The following NELL1 variants were observed in gnomAD, a reference collection of about 807,000 sequenced individuals.
The protein encoded by NELL1 is neural EGFL like 1, also known as protein kinase C-binding protein NELL1.
Under a neutral mutation model 107.4 loss-of-function variants are expected in NELL1, and 76 were observed. That is an observed-to-expected ratio of 0.71 (90% CI 0.59 to 0.86). The LOEUF (loss-of-function observed/expected upper bound fraction) is 0.86, where lower values mean the gene tolerates loss of function less well. Among genes scored for constraint, NELL1 ranks in the 40% least tolerant of loss-of-function variants. The pLI, the probability that NELL1 is intolerant of heterozygous loss-of-function variation, is 0.00. For missense variants in NELL1, 1,024 were observed against 1,005.5 expected (o/e 1.02, Z -0.25); for synonymous variants, 353 against 341.2 (o/e 1.03, Z -0.38).
At chr11:21,349,836 C>T (rs998322318) in intron 14 of NELL1, among the ~76,000 whole-genome samples, 1 of 152,076 alleles carries the variant, frequency 6.6e-6, no homozygotes, top group African/African-American at 2.4e-5. Context: ...CTCAATATGG[C>T]TGTATCTTAT....
At chr11:20,842,117 C>T (rs1848632741) in intron 3 of NELL1, among the ~76,000 whole-genome samples, 2 of 152,102 alleles carry the variant, frequency 1.3e-5, no homozygotes, top group South Asian at 4.1e-4. Context: ...TGGCTCATGC[C>T]TCTAATCCCA....
chr11:20,902,280 T>G (rs961832218), intron 5 of NELL1, among the ~76,000 whole-genome samples: 1 of 152,130 alleles, frequency 6.6e-6, no homozygotes, highest in Non-Finnish European at 1.5e-5. Context: ...GAAACCTTTT[T>G]TTTTTAACTC....
chr11:20,697,678 C>T (rs1388720761), intron 2 of NELL1, among the ~76,000 whole-genome samples: 1 of 151,882 alleles, frequency 6.6e-6, no homozygotes, highest in African/African-American at 2.4e-5. Flanking sequence ...CCTCTGGCAC[C>T]CTAATTCAGA....
At chr11:20,866,684 G>T (rs1802732140) in intron 4 of NELL1, among the ~76,000 whole-genome samples, 1 of 152,174 alleles carries the variant, frequency 6.6e-6, no homozygotes, top group Admixed American at 6.5e-5. Context: ...ATGAGCTTCT[G>T]GAGGGAGGTG....
At chr11:20,705,736 G>A (rs1424797440) in intron 2 of NELL1, among the ~76,000 whole-genome samples, 1 of 148,432 alleles carries the variant, frequency 6.7e-6, no homozygotes, top group African/African-American at 2.5e-5. Flanking sequence ...GCAACCTACA[G>A]AATGGGAGAA....
intron 4 of NELL1, among the ~76,000 whole-genome samples, chr11:20,860,073 T>G (rs911076230): frequency 2.1e-4 from 32 of 152,188 alleles, no homozygotes; most frequent in African/African-American, 7.7e-4. Flanking sequence ...CTTTTTCTGA[T>G]TTTGAGTTCT....
chr11:21,172,305 T>G (rs16907616), intron 13 of NELL1, among the ~76,000 whole-genome samples: 48 of 151,958 alleles, frequency 3.2e-4, no homozygotes, highest in African/African-American at 1.1e-3. Flanking sequence ...AGCTCAAGCT[T>G]GTTAGCACAG....
intron 3 of NELL1, among the ~76,000 whole-genome samples, chr11:20,810,367 C>T (rs935219980): frequency 2.0e-5 from 3 of 152,094 alleles, no homozygotes; most frequent in East Asian, 1.9e-4. Context: ...TTATCCCTCA[C>T]CCCCTCTCAC....
intron 2 of NELL1, among the ~76,000 whole-genome samples, chr11:20,769,849 C>G (rs552036542): frequency 4.6e-5 from 7 of 152,188 alleles, no homozygotes; most frequent in Admixed American, 3.3e-4. Flanking sequence ...TGGGGTTGCA[C>G]AAGGATGAAC....
intron 14 of NELL1, among the ~76,000 whole-genome samples, chr11:21,326,584 A>AT (rs948561200): frequency 1.3e-5 from 2 of 151,808 alleles, no homozygotes; most frequent in Admixed American, 1.3e-4. Context: ...AGCGATCTTT[A>AT]TTTTTTTGTT....
At chr11:21,465,619 CT>C (rs1178933791) in intron 15 of NELL1, among the ~76,000 whole-genome samples, 2 of 152,132 alleles carry the variant, frequency 1.3e-5, no homozygotes, top group South Asian at 2.1e-4. Flanking sequence ...ATTCATTCAC[CT>C]TTTTAAAAAT....
At chr11:21,358,756 T>C (rs1165289561) in intron 14 of NELL1, among the ~76,000 whole-genome samples, 3 of 151,748 alleles carry the variant, frequency 2.0e-5, no homozygotes, top group Non-Finnish European at 4.4e-5. Context: ...GCAGCTGTTG[T>C]AAAGGGGATT....
chr11:21,483,681 T>C (rs994659132), intron 15 of NELL1, among the ~76,000 whole-genome samples: 1 of 151,642 alleles, frequency 6.6e-6, no homozygotes, highest in Non-Finnish European at 1.5e-5. Context: ...TAAACAAATA[T>C]TTTTATATAA....
At chr11:21,330,629 T>C (rs1193374264) in intron 14 of NELL1, among the ~76,000 whole-genome samples, 1 of 152,072 alleles carries the variant, frequency 6.6e-6, no homozygotes, top group Non-Finnish European at 1.5e-5. Flanking sequence ...AATAAGTCAT[T>C]TTTCCTTTGC....
Position 20,709,585 on chromosome 11 carries a change from T to C in NELL1, c.184+31525T>C, listed in dbSNP as rs867987599. On this transcript the variant is annotated intron_variant, in intron 2 of 19. Coordinates refer to ENST00000357134, the MANE Select transcript of NELL1 (RefSeq NM_006157.5). ...TTTCTAGTTCTGTGAAGAATTTTGA[T>C]GGTATTTTGATGGGAATTGCATTGC... 2.0e-5 allele frequency among the ~76,000 whole-genome samples: 3 copies of C among 152,286 alleles called. No homozygotes were observed. The Middle Eastern group carries it at 0.01, about 518-fold the overall frequency.
intron 9 of NELL1, among the ~76,000 whole-genome samples, chr11:20,933,613 G>A (rs544697771): frequency 1.3e-3 from 200 of 152,298 alleles, no homozygotes; most frequent in Non-Finnish European, 1.8e-3. Flanking sequence ...GTGTAAAACA[G>A]TGTGCTGATT....
At chr11:21,566,706 C>T (rs2134008782) in intron 17 of NELL1, among the ~76,000 whole-genome samples, 1 of 150,200 alleles carries the variant, frequency 6.7e-6, no homozygotes, top group East Asian at 2.0e-4. Flanking sequence ...GATTACTTAT[C>T]ATCAGTGAGC....
At chr11:20,793,441 T>G (rs192670740) in intron 3 of NELL1, among the ~76,000 whole-genome samples, 1 of 152,102 alleles carries the variant, frequency 6.6e-6, no homozygotes, top group Admixed American at 6.5e-5. Context: ...ATCTTTTAAA[T>G]GAAACAGTTC....
At chr11:21,536,526 G>GCTAA (rs537292223) in intron 16 of NELL1, among the ~76,000 whole-genome samples, 31 of 152,204 alleles carry the variant, frequency 2.0e-4, no homozygotes, top group Admixed American at 3.9e-4. Flanking sequence ...CCTTTCTTCT[G>GCTAA]CTAACTCTAG....
Sources: allele counts gnomAD v4.1 joint callset (sites outside exome capture counted in the v4.1 genomes callset), GRCh38; gene constraint gnomAD v4.1.1; transcripts MANE v1.5; gene names NCBI Gene and HGNC (gene_info 2026-07-23, HGNC 2026-07-21).